Variants in FAM186A observed in about 807,000 individuals in gnomAD.
FAM186A encodes the protein family with sequence similarity 186 member A.
A neutral mutation model predicts 216.8 loss-of-function variants in FAM186A; 163 were observed. The ratio of observed to expected loss-of-function variants is 0.75; its 90% confidence interval spans 0.66 to 0.86. The LOEUF (loss-of-function observed/expected upper bound fraction) is 0.86. Ranked by LOEUF, FAM186A falls within the 40% of genes least tolerant of loss-of-function variation. The pLI, the probability that FAM186A is intolerant of heterozygous loss-of-function variation, is 0.00. For missense variants in FAM186A, 2,184 were observed against 2,746.2 expected (o/e 0.80, Z 4.58); for synonymous variants, 805 against 1,025.3 (o/e 0.79, Z 4.10).
In FAM186A at chr12:50,354,305, A is replaced by C; in HGVS notation, c.2527T>G (p.Leu843Val). 2 of 1,551,604 alleles carry C rather than the reference A, an allele frequency of 1.3e-6. No individual in the cohort carries two copies. The highest frequency in any genetic ancestry group is 1.7e-6 in the Non-Finnish European group (2 of 1,146,972). Residue 843 changes from leucine (L) to valine (V), a missense_variant, in exon 4 of 8, where the codon TTG (leucine) becomes GTG (valine). This residue lies in a region of FAM186A where 1,132 missense variants were observed against 1,263.4 expected (regional missense o/e 0.90). Coordinates refer to ENST00000327337, the MANE Select transcript of FAM186A (RefSeq NM_001145475.3). ...QMSGMSLKQQ[L>V]LGERNLLKEH... ...TTCAAGAGATTTCTTTCTCCCAGCAACTGCTGTTTGAGACTCATGCCAGAC... is the reference window on the plus strand; with the variant it reads ...TTCAAGAGATTTCTTTCTCCCAGCACCTGCTGTTTGAGACTCATGCCAGAC...
chr12:50,365,727 C>A, intron 1 of FAM186A: 1 of 752,314 alleles, frequency 1.3e-6, no homozygotes, highest in South Asian at 1.4e-5. Context: ...TTCCCACATT[C>A]GCAGGAAGAT....
chr12:50,339,767 C>T (rs1351793751), intron 4 of FAM186A, among the ~76,000 whole-genome samples: 1 of 151,544 alleles, frequency 6.6e-6, no homozygotes, highest in Non-Finnish European at 1.5e-5. Context: ...CACACACACA[C>T]ACACACACAC....
intron 1 of FAM186A, among the ~76,000 whole-genome samples, chr12:50,379,531 AATCCC>A (rs2136104619): frequency 6.6e-6 from 1 of 151,870 alleles, no homozygotes; most frequent in East Asian, 1.9e-4. Context: ...TGATGCCTGT[AATCCC>A]ATCACTTTGG....
At position 50,350,501 on chromosome 12, in the gene FAM186A, C is replaced by T; in HGVS notation, c.6331G>A (p.Ala2111Thr). The T allele has an allele frequency of 6.4e-7, 1 of 1,551,594 alleles. No homozygotes were observed. Among genetic ancestry groups the T allele is most frequent in the Non-Finnish European group, 8.7e-7 (1 of 1,146,990 alleles). ...AATAGTATCAGGTTCTTCTTCTGAG[C>T]CTCCACATCAACAAAATACCTCTTT... ...EEKRYFVDVE[A>T]QKKNLILLNQ... The change falls in exon 4 of 8, where the codon GCT becomes ACT. Residue 2111 changes from alanine (A) to threonine (T), a missense_variant. This residue lies in a region of FAM186A where 721 missense variants were observed against 816.4 expected (regional missense o/e 0.88). Coordinates refer to ENST00000327337, the MANE Select transcript of FAM186A (RefSeq NM_001145475.3).
chr12:50,394,340 C>G (rs1256684888), intron 1 of FAM186A, among the ~76,000 whole-genome samples: 1 of 151,944 alleles, frequency 6.6e-6, no homozygotes, highest in African/African-American at 2.4e-5. Flanking sequence ...GTCACAAGGT[C>G]AGGAGATCAA....
At chr12:50,367,362 C>CA (rs1259471574) in intron 1 of FAM186A, among the ~76,000 whole-genome samples, 2 of 151,260 alleles carry the variant, frequency 1.3e-5, no homozygotes, top group African/African-American at 2.4e-5. Flanking sequence ...ACTAAAAATA[C>CA]AAAAAAATAG....
chr12:50,383,885 C>T (rs563149101), intron 1 of FAM186A, among the ~76,000 whole-genome samples: 6 of 152,004 alleles, frequency 3.9e-5, no homozygotes, highest in East Asian at 1.9e-4. Context: ...TTTGGGAGGC[C>T]GAGGCAGGCG....
intron 1 of FAM186A, 39 bp downstream of exon 1, chr12:50,396,254 A>G (rs1943411595): frequency 6.9e-7 from 1 of 1,443,196 alleles, no homozygotes; most frequent in African/African-American, 1.4e-5. Context: ...AAGTTTAAAA[A>G]GAAAATTGCA....
chr12:50,391,729 C>A (rs946515891), intron 1 of FAM186A, among the ~76,000 whole-genome samples: 5 of 152,164 alleles, frequency 3.3e-5, no homozygotes, highest in Non-Finnish European at 5.9e-5. Flanking sequence ...CCTCTGCCTC[C>A]CAAGTAGCTG....
At chr12:50,329,843 G>A (rs35878271) in intron 7 of FAM186A, among the ~76,000 whole-genome samples, 2 of 151,882 alleles carry the variant, frequency 1.3e-5, no homozygotes, top group African/African-American at 4.8e-5. Flanking sequence ...CGATCCACCC[G>A]CCTCGGCCTC....
intron 3 of FAM186A, 92 bp downstream of exon 3, chr12:50,360,664 G>T: frequency 8.9e-7 from 1 of 1,127,316 alleles, no homozygotes; most frequent in Non-Finnish European, 1.2e-6. Context: ...CAGCCTGGGT[G>T]ATAGAGCGAG....
chr12:50,351,489 C>A lies in FAM186A; in HGVS notation c.5343G>T (p.Gly1781=). 1 of 1,487,168 alleles carries A rather than the reference C, an allele frequency of 6.7e-7. No individual in the cohort carries two copies. The highest frequency in any genetic ancestry group is 8.9e-7 in the Non-Finnish European group (1 of 1,121,054). 92.1% of individuals were successfully genotyped at this position (1,487,168 alleles called of 1,614,324 possible). A position where few individuals can be genotyped will look rare whatever the true frequency, so the allele number is the denominator to read the frequency against. ...CAAGCTTCCCAGGCTCAGAAAGAAT[C>A]CCCATTTCTAGGGGCTTCCCAGGGG... ...PFAPGKPLEM[G]ILSEPGKLGA... The change falls in exon 4 of 8, where the codon GGG becomes GGT. Residue 1781 remains glycine (G), a synonymous_variant. Transcript: ENST00000327337.
rs1338024543 is a variant in FAM186A at position 50,360,832 on chromosome 12, A to G, written c.507T>C (p.Ile169=). 4 of 1,550,940 alleles carry G rather than the reference A, an allele frequency of 2.6e-6. No individual in the cohort carries two copies. Among genetic ancestry groups the G allele is most frequent in the Non-Finnish European group, 2.6e-6 (3 of 1,146,716 alleles). ...MELLPDTLKA[I]ENNVKILSRF... is the part of the protein sequence containing the mutation. ...TGCTTAGTATCTTGACATTGTTCTCAATAGCTTTTAACGTGTCCGGTAACA... is the reference window on the plus strand; with the variant it reads ...TGCTTAGTATCTTGACATTGTTCTCGATAGCTTTTAACGTGTCCGGTAACA... The change falls in exon 3 of 8, where the codon ATT becomes ATC. Residue 169 remains isoleucine (I), a synonymous_variant. Coordinates refer to ENST00000327337, the MANE Select transcript of FAM186A (RefSeq NM_001145475.3).
At chr12:50,349,151 AT>A (rs996511092) in intron 4 of FAM186A, among the ~76,000 whole-genome samples, 1 of 151,674 alleles carries the variant, frequency 6.6e-6, no homozygotes, top group Admixed American at 6.6e-5. Flanking sequence ...TTTTGTACCC[AT>A]TAACCATCCC....
intron 1 of FAM186A, chr12:50,365,612 C>CGGTGG: frequency 1.7e-6 from 1 of 591,190 alleles, no homozygotes; most frequent in South Asian, 2.0e-5. Context: ...GTGTAGTTCT[C>CGGTGG]TTCCCTTTTG....
intron 3 of FAM186A, 30 bp downstream of exon 3, chr12:50,360,726 T>C (rs1486137744): frequency 6.7e-7 from 1 of 1,486,024 alleles, no homozygotes; most frequent in East Asian, 2.5e-5. Flanking sequence ...CTCCATCTAC[T>C]CCAACTCCAA....
chr12:50,373,013 AAGAAAG>A (rs1298159940), intron 1 of FAM186A, among the ~76,000 whole-genome samples: 2 of 124,002 alleles, frequency 1.6e-5, no homozygotes, highest in African/African-American at 3.2e-5. Context: ...GAAAGAAAGA[AAGAAAG>A]AAAGAAAGAA....
intron 4 of FAM186A, among the ~76,000 whole-genome samples, chr12:50,337,289 CTTTTTT>C (rs71441358): frequency 3.6e-4 from 25 of 69,678 alleles, no homozygotes; most frequent in African/African-American, 1.4e-3. Context: ...AGAGATAATT[CTTTTTT>C]TTTTTTTTTT....
Position 50,354,657 on chromosome 12 carries a change from C to T in FAM186A, c.2175G>A (p.Val725=). 3 of 1,547,698 alleles carry T rather than the reference C, an allele frequency of 1.9e-6. No individual in the cohort carries two copies. Among genetic ancestry groups the T allele is most frequent in the Non-Finnish European group, 2.6e-6 (3 of 1,146,204 alleles). The change falls in exon 4 of 8, where the codon GTG becomes GTA. Residue 725 remains valine (V), a synonymous_variant. Transcript: ENST00000327337. The stretch of plus-strand genomic sequence containing the variant: ...TCAAGATTTTAGTCACAGTTTCAGC[C>T]ACTTTTTGGAAATATTCCTCCATTT... ...KAKMEEYFQK[V]AETVTKILRK...
Sources: allele counts gnomAD v4.1 joint callset (sites outside exome capture counted in the v4.1 genomes callset), GRCh38; gene constraint gnomAD v4.1.1; regional missense constraint gnomAD v4.1.1; transcripts MANE v1.5; gene names NCBI Gene and HGNC (gene_info 2026-07-23, HGNC 2026-07-21).